MED16: variants seen among roughly 807,000 people sequenced by gnomAD.
MED16 encodes the protein mediator complex subunit 16.
MED16 carries 81 observed loss-of-function variants against 84.4 expected under a neutral mutation model. The ratio of observed to expected loss-of-function variants is 0.96; its 90% CI spans 0.80 to 1.15. The LOEUF is 1.15. Ranked by LOEUF, MED16 falls within the 50% of genes most tolerant of loss-of-function variation. MED16 has a pLI of 0.00. For synonymous variants in MED16, 897 were observed against 552.2 expected (o/e 1.62, Z -8.76); for missense variants, 1,585 against 1,245.9 (o/e 1.27, Z -4.10).
At chr19:875,155 C>T in intron 10 of MED16, 89 bp downstream of exon 10, 1 of 907,946 alleles carries the variant, frequency 1.1e-6, no homozygotes, top group Middle Eastern at 3.6e-4. Flanking sequence ...CAGAGTAAGA[C>T]CCTATCTCAA....
rs572136187 is a variant in MED16, at chr19:867,974, G to A, written c.*127C>T. The A allele has an allele frequency of 1.3e-4, 167 of 1,277,212 alleles. No individual in the cohort carries two copies. The highest frequency in any genetic ancestry group is 7.3e-4 in the South Asian group (48 of 66,124). The allele number at this position is 1,277,212 out of a possible 1,614,324, so 79.1% of individuals were successfully genotyped here. On this transcript the variant is annotated 3_prime_UTR_variant, in exon 16 of 16. Coordinates refer to ENST00000325464, the MANE Select transcript of MED16 (RefSeq NM_005481.3). ...CAGGGACGCGGGCCTGGGCGCAGAG[G>A]GCGTTTATTGGACCTGTCCTTCCCA...
intron 1 of MED16, among the ~76,000 whole-genome samples, 173 bp from the exon 2 acceptor site, chr19:891,322 G>A (rs1308856039): frequency 5.3e-5 from 8 of 152,282 alleles, no homozygotes; most frequent in South Asian, 4.1e-4. Flanking sequence ...ACATGGAGAG[G>A]TCAGGGCCAG....
rs756154373 is a variant in MED16 at position 872,090 on chromosome 19, A to C, written c.1934T>G (p.Phe645Cys). 2 of 1,608,066 alleles carry C rather than the reference A, an allele frequency of 1.2e-6. No individual in the cohort carries two copies. Among genetic ancestry groups the C allele is most frequent in the African/African-American group, 2.7e-5 (2 of 74,514 alleles). Residue 645 changes from phenylalanine (F) to cysteine (C), a missense_variant, in exon 12 of 16, where the codon TTT becomes TGT. Phe to Cys is a radical substitution (Grantham distance 205). Coordinates refer to ENST00000325464, the MANE Select transcript of MED16 (RefSeq NM_005481.3). ...GCCCAGCGAGGTGCCGTCCCGCAGA[A>C]AGCTGTGGCCCGGCCTCAGCAGGGA... ...QGSLLRPGHS[F>C]LRDGTSLGML...
Position 871,963 on chromosome 19 carries a change from G to C in MED16, c.2061C>G (p.Ser687=), listed in dbSNP as rs201690635. Residue 687 remains serine (S), a synonymous_variant, in exon 12 of 16, where the codon TCC becomes TCG. Coordinates refer to ENST00000325464, the MANE Select transcript of MED16 (RefSeq NM_005481.3). ...TATSDTQDSM[S]LLFRLLTKLW... ...GCTTGGTGAGCAGGCGGAAGAGCAG[G>C]GACATGCTGTCCTGGGTATCCGAGG... 6.2e-7 allele frequency: 1 copy of C among 1,606,340 alleles called. No individual in the cohort carries two copies. Among genetic ancestry groups the C allele is most frequent in the South Asian group, 1.1e-5 (1 of 90,760 alleles).
chr19:884,775 G>A (rs1412178973), intron 6 of MED16, 128 bp downstream of exon 6: 4 of 695,728 alleles, frequency 5.7e-6, no homozygotes, highest in African/African-American at 1.8e-5. Flanking sequence ...TGGAGATCGA[G>A]GCGAGACGAT....
Sources: allele counts gnomAD v4.1 joint callset (sites outside exome capture counted in the v4.1 genomes callset), GRCh38; gene constraint gnomAD v4.1.1; transcripts MANE v1.5; gene names NCBI Gene and HGNC (gene_info 2026-07-23, HGNC 2026-07-21).